Variants in FBN2 observed in about 807,000 individuals in gnomAD.
FBN2 encodes the protein fibrillin 2.
In FBN2, 105 loss-of-function variants were observed where a neutral mutation model predicts 355.6. That is an observed-to-expected ratio of 0.30 (90% CI 0.25 to 0.35). FBN2 has a LOEUF of 0.35. Among genes scored for constraint, FBN2 ranks in the 10% least tolerant of loss-of-function variants. FBN2 has a pLI of 1.00. For missense variants in FBN2, 3,280 were observed against 3,758.7 expected (o/e 0.87, Z 3.33); for synonymous variants, 1,350 against 1,301.2 (o/e 1.04, Z -0.81).
At chr5:128,318,311 C>T (rs749691753) in intron 35 of FBN2, 40 bp from the exon 36 acceptor site, 31 of 1,612,434 alleles carry the variant, frequency 1.9e-5, no homozygotes, top group Admixed American at 1.0e-4. Flanking sequence ...ACCATTTTTA[C>T]TTTTTCTGTG....
At chr5:128,488,429 C>G (rs1308787584) in intron 5 of FBN2, among the ~76,000 whole-genome samples, 2 of 152,070 alleles carry the variant, frequency 1.3e-5, no homozygotes, top group Non-Finnish European at 2.9e-5. Flanking sequence ...ATTTCAAGTT[C>G]TACCTTTTAG....
intron 7 of FBN2, among the ~76,000 whole-genome samples, chr5:128,437,728 G>A (rs1350151849): frequency 6.6e-6 from 1 of 151,952 alleles, no homozygotes; most frequent in Non-Finnish European, 1.5e-5. Context: ...CACATATAGA[G>A]AGAGTAGTCT....
intron 39 of FBN2, among the ~76,000 whole-genome samples, chr5:128,310,988 A>G (rs1750039533): frequency 6.6e-6 from 1 of 152,160 alleles, no homozygotes; most frequent in Non-Finnish European, 1.5e-5. Flanking sequence ...AATTTTTCCT[A>G]TGTAAAATGT....
intron 48 of FBN2, among the ~76,000 whole-genome samples, chr5:128,295,297 C>T (rs1357605971): frequency 1.3e-5 from 2 of 151,982 alleles, no homozygotes; most frequent in African/African-American, 2.4e-5. Context: ...TCTTTTGGCT[C>T]AGGATTGCCT....
intron 8 of FBN2, among the ~76,000 whole-genome samples, chr5:128,405,274 A>G (rs1752895986): frequency 6.6e-6 from 1 of 152,136 alleles, no homozygotes; most frequent in African/African-American, 2.4e-5. Context: ...AAGGGGAAAA[A>G]CAAGATGCTT....
At chr5:128,444,715 T>G (rs1754021904) in intron 7 of FBN2, among the ~76,000 whole-genome samples, 1 of 152,234 alleles carries the variant, frequency 6.6e-6, no homozygotes. Context: ...ACTTGTACTG[T>G]CTTTCTCCCA....
At chr5:128,421,894 G>C (rs1001562985) in intron 7 of FBN2, among the ~76,000 whole-genome samples, 2 of 152,138 alleles carry the variant, frequency 1.3e-5, no homozygotes, top group Non-Finnish European at 2.9e-5. Flanking sequence ...TTAATCAGCT[G>C]ATCTTGAGAT....
intron 59 of FBN2, among the ~76,000 whole-genome samples, chr5:128,275,028 C>T (rs1765355100): frequency 6.6e-6 from 1 of 151,964 alleles, no homozygotes; most frequent in South Asian, 2.1e-4. Context: ...TTACTGATTC[C>T]TATTAAAGGA....
At chr5:128,500,560 A>C (rs990943319) in intron 5 of FBN2, among the ~76,000 whole-genome samples, 1 of 145,544 alleles carries the variant, frequency 6.9e-6, no homozygotes, top group African/African-American at 2.6e-5. Flanking sequence ...CTCCCGCCTC[A>C]GCCTCTCTCG....
chr5:128,470,253 G>A (rs1469419255), intron 5 of FBN2, among the ~76,000 whole-genome samples: 1 of 152,202 alleles, frequency 6.6e-6, no homozygotes, highest in Non-Finnish European at 1.5e-5. Context: ...AATTGCAGGA[G>A]GCTGGTTCCA....
At chr5:128,437,433 T>C (rs1440104417) in intron 7 of FBN2, among the ~76,000 whole-genome samples, 1 of 152,176 alleles carries the variant, frequency 6.6e-6, no homozygotes, top group East Asian at 1.9e-4. Flanking sequence ...ATAATGATTA[T>C]GATGATGAAT....
At chr5:128,427,761 T>C (rs958097242) in intron 7 of FBN2, among the ~76,000 whole-genome samples, 2 of 152,172 alleles carry the variant, frequency 1.3e-5, no homozygotes, top group African/African-American at 4.8e-5. Flanking sequence ...AATCCTTACC[T>C]ATAAGCCATT....
intron 5 of FBN2, among the ~76,000 whole-genome samples, chr5:128,494,521 T>A (rs1437680409): frequency 2.0e-5 from 3 of 152,130 alleles, no homozygotes; most frequent in African/African-American, 7.2e-5. Flanking sequence ...TATGGAGCAA[T>A]TTATACCCCA....
At chr5:128,486,253 G>A (rs1755335170) in intron 5 of FBN2, among the ~76,000 whole-genome samples, 1 of 152,078 alleles carries the variant, frequency 6.6e-6, no homozygotes, top group South Asian at 2.1e-4. Flanking sequence ...AACATTAAAT[G>A]AGAGCCCTTT....
rs199702573 is a variant in FBN2 at position 128,537,472 on chromosome 5, C to T, written c.132G>A (p.Pro44=). The change falls in exon 1 of 65, where the codon CCG becomes CCA. Residue 44 remains proline (P), a synonymous_variant. Transcript: ENST00000262464. ...PPKPPRPQPP[P]QQVRSATAGS... ...CTGCTGTAGCGGACCGAACCTGTTG[C>T]GGCGGCGGCTGGGGCCGGGGCGGCT... is the stretch of plus-strand genomic sequence containing the variant. 11 of 1,600,334 alleles carry T rather than the reference C, an allele frequency of 6.9e-6. No individual in the cohort carries two copies. In the Admixed American group the frequency reaches 1.5e-4, roughly 22 times the overall value.
chr5:128,311,793 C>T (rs544936719), intron 38 of FBN2, 92 bp downstream of exon 38: 19 of 871,462 alleles, frequency 2.2e-5, no homozygotes, highest in Middle Eastern at 2.1e-4. Flanking sequence ...ATTATCTTGT[C>T]GGGGCTGCTC....
At chr5:128,431,079 A>G (rs763026611) in intron 7 of FBN2, among the ~76,000 whole-genome samples, 70 of 152,200 alleles carry the variant, frequency 4.6e-4, no homozygotes, top group Non-Finnish European at 2.4e-4. Context: ...CAGTCTAGAC[A>G]ATAGTAGAGA....
chr5:128,332,571 T>A (rs1750722234), intron 32 of FBN2, among the ~76,000 whole-genome samples: 1 of 152,212 alleles, frequency 6.6e-6, no homozygotes. Context: ...TTGCTCTCCA[T>A]TTATTCCACT....
intron 24 of FBN2, among the ~76,000 whole-genome samples, chr5:128,345,055 T>A (rs1414212836): frequency 1.3e-5 from 2 of 152,206 alleles, no homozygotes; most frequent in African/African-American, 4.8e-5. Flanking sequence ...TCACTACTTG[T>A]TTTATAAAGA....
Sources: gnomAD v4.1 joint callset for allele counts (sites outside exome capture counted in the v4.1 genomes callset) on GRCh38, gnomAD v4.1.1 for gene constraint, MANE v1.5 for transcripts, NCBI Gene and HGNC (gene_info 2026-07-23, HGNC 2026-07-21) for gene names.